FAM117B: variants seen among roughly 807,000 people sequenced by gnomAD.
FAM117B encodes protein FAM117B.
FAM117B carries 22 observed loss-of-function variants against 52.8 expected under a neutral mutation model. That is an observed-to-expected ratio of 0.42 (90% confidence interval 0.30 to 0.59). The LOEUF (loss-of-function observed/expected upper bound fraction) is 0.59. Among genes scored for constraint, FAM117B ranks in the 20% least tolerant of loss-of-function variants. The probability of loss-of-function intolerance (pLI) is 0.22; values close to 1 mark genes in which losing one functional copy is unlikely to be tolerated. For synonymous variants in FAM117B, 309 were observed against 324.1 expected (o/e 0.95, Z 0.50); for missense variants, 678 against 802.6 (o/e 0.84, Z 1.88).
At chr2:202,705,656 A>C (rs1459970620) in intron 2 of FAM117B, among the ~76,000 whole-genome samples, 2 of 152,106 alleles carry the variant, frequency 1.3e-5, no homozygotes, top group Non-Finnish European at 2.9e-5. Flanking sequence ...CTCTGCCCCC[A>C]CACTGCCTCC....
intron 2 of FAM117B, among the ~76,000 whole-genome samples, chr2:202,712,005 C>T (rs564124321): frequency 4.7e-4 from 72 of 152,178 alleles, no homozygotes; most frequent in African/African-American, 1.6e-3. Context: ...TCTTTTTGCT[C>T]AGGATAACTT....
chr2:202,760,294 G>A (rs1231657133), intron 7 of FAM117B, among the ~76,000 whole-genome samples: 3 of 152,104 alleles, frequency 2.0e-5, no homozygotes, highest in Non-Finnish European at 2.9e-5. Context: ...TATAGGTTTG[G>A]CTGCTGCTCC....
intron 1 of FAM117B, among the ~76,000 whole-genome samples, chr2:202,656,104 A>G (rs1690052912): frequency 1.3e-5 from 2 of 152,008 alleles, no homozygotes; most frequent in African/African-American, 2.4e-5. Flanking sequence ...GAATATTTGT[A>G]TATTTTCTCT....
chr2:202,752,735 C>T (rs947252235), intron 4 of FAM117B, among the ~76,000 whole-genome samples: 14 of 152,092 alleles, frequency 9.2e-5, no homozygotes, highest in Non-Finnish European at 1.8e-4. Context: ...CTAGCTTTGG[C>T]GGATACCTCT....
chr2:202,746,210 C>A (rs748707043), intron 4 of FAM117B, among the ~76,000 whole-genome samples: 4 of 152,080 alleles, frequency 2.6e-5, no homozygotes, highest in Non-Finnish European at 4.4e-5. Flanking sequence ...CAAAACATAT[C>A]TCAACAAATT....
intron 1 of FAM117B, among the ~76,000 whole-genome samples, chr2:202,655,989 T>A (rs925385618): frequency 1.3e-5 from 2 of 152,174 alleles, no homozygotes; most frequent in Non-Finnish European, 2.9e-5. Context: ...TTTGGTAGAT[T>A]GTGTCTTTCA....
In FAM117B at chr2:202,682,603, G is replaced by A. The variant is rs560623271; in HGVS notation, c.602-13278G>A. 1.1e-4 allele frequency among the ~76,000 whole-genome samples: 17 copies of A among 152,306 alleles called. No individual in the cohort carries two copies. The South Asian group carries it at 2.7e-3, about 24-fold the overall frequency. ...ATATCCCGCTTCAACAGCACAGTACGTATTCTTTTCAACTGCACCTGGAAC... is the reference window on the plus strand; with the variant it reads ...ATATCCCGCTTCAACAGCACAGTACATATTCTTTTCAACTGCACCTGGAAC... On this transcript the variant is annotated intron_variant, in intron 1 of 7. Transcript: ENST00000392238.
intron 2 of FAM117B, among the ~76,000 whole-genome samples, chr2:202,713,174 G>C (rs1032135710): frequency 4.6e-5 from 7 of 152,080 alleles, no homozygotes; most frequent in African/African-American, 1.7e-4. Context: ...TTTCTTTGCC[G>C]GGGTGCTTTT....
At chr2:202,647,244 G>A (rs1371519458) in intron 1 of FAM117B, among the ~76,000 whole-genome samples, 1 of 151,968 alleles carries the variant, frequency 6.6e-6, no homozygotes, top group Non-Finnish European at 1.5e-5. Flanking sequence ...AAAAAATATA[G>A]CTTAACACAA....
intron 1 of FAM117B, among the ~76,000 whole-genome samples, chr2:202,654,541 G>T (rs72926986): frequency 0.22 from 34,012 of 151,832 alleles, 4,525 homozygotes; most frequent in Middle Eastern, 0.3. Context: ...TTCTAGTAAT[G>T]ATATTATGTT....
At chr2:202,749,817 A>C (rs751114543) in intron 4 of FAM117B, among the ~76,000 whole-genome samples, 3 of 152,172 alleles carry the variant, frequency 2.0e-5, no homozygotes, top group Non-Finnish European at 4.4e-5. Flanking sequence ...TGAAGTTAAA[A>C]ATAGTTTCTC....
intron 4 of FAM117B, among the ~76,000 whole-genome samples, chr2:202,741,274 G>C (rs1421559170): frequency 6.6e-6 from 1 of 151,672 alleles, no homozygotes; most frequent in Non-Finnish European, 1.5e-5. Flanking sequence ...CAAAGGATTA[G>C]CCAGGAGTGG....
intron 2 of FAM117B, among the ~76,000 whole-genome samples, chr2:202,722,043 C>A (rs1049297862): frequency 1.4e-5 from 2 of 140,450 alleles, no homozygotes; most frequent in Non-Finnish European, 3.0e-5. Flanking sequence ...TGGAGCCTCT[C>A]ACTGTCGCCC....
chr2:202,651,060 C>CTT (rs138809054), intron 1 of FAM117B, among the ~76,000 whole-genome samples: 25 of 124,216 alleles, frequency 2.0e-4, no homozygotes, highest in Non-Finnish European at 3.0e-4. Context: ...ATTTGCCATT[C>CTT]TTTTTTTTTT....
chr2:202,687,635 TCCTA>T (rs1690564064), intron 1 of FAM117B, among the ~76,000 whole-genome samples: 1 of 152,140 alleles, frequency 6.6e-6, no homozygotes, highest in Non-Finnish European at 1.5e-5. Context: ...TGTCTCAAAC[TCCTA>T]GCCACAAGTG....
intron 2 of FAM117B, among the ~76,000 whole-genome samples, chr2:202,715,249 C>T (rs1195201355): frequency 8.0e-5 from 12 of 150,056 alleles, no homozygotes; most frequent in South Asian, 6.4e-4. Context: ...GCTGGCCGGG[C>T]GGGGGCTGAC....
chr2:202,730,813 G>A (rs748850851), intron 4 of FAM117B, among the ~76,000 whole-genome samples: 6 of 152,154 alleles, frequency 3.9e-5, no homozygotes, highest in Non-Finnish European at 4.4e-5. Flanking sequence ...AGAAAATGTA[G>A]TCATAACATT....
rs569605493 is a variant in FAM117B, at chr2:202,764,382, A to G, written c.1452-1064A>G. On this transcript the variant is annotated intron_variant, in intron 7 of 7. Transcript: ENST00000392238. ...CAGGGCCAAGCTATCCTCCCACCTC[A>G]GCCTCCCAGGTAGCAGGGACTACAG... Among the ~76,000 whole-genome samples, 19 of 151,928 alleles carry G rather than the reference A, an allele frequency of 1.3e-4. No homozygotes were observed. In the South Asian group the frequency reaches 4.0e-3, roughly 32 times the overall value.
intron 2 of FAM117B, among the ~76,000 whole-genome samples, chr2:202,715,181 C>T (rs1372437153): frequency 2.7e-5 from 4 of 148,900 alleles, no homozygotes; most frequent in Admixed American, 1.3e-4. Flanking sequence ...ACCTCCCTCC[C>T]GGACGGGTCG....
Sources: gnomAD v4.1 joint callset for allele counts (sites outside exome capture counted in the v4.1 genomes callset) on GRCh38, gnomAD v4.1.1 for gene constraint, MANE v1.5 for transcripts, NCBI Gene and HGNC (gene_info 2026-07-23, HGNC 2026-07-21) for gene names.